Variants in RABGAP1L observed in about 807,000 individuals in gnomAD.
The protein encoded by RABGAP1L is RAB GTPase activating protein 1 like, also known as rab GTPase-activating protein 1-like.
Under a neutral mutation model 137.7 loss-of-function variants are expected in RABGAP1L, and 63 were observed. That is an observed-to-expected ratio of 0.46 (90% confidence interval 0.37 to 0.56). RABGAP1L has a LOEUF of 0.56. RABGAP1L is among the 20% of genes least tolerant of loss of function. The probability of loss-of-function intolerance (pLI) is 0.00; values close to 1 mark genes in which losing one functional copy is unlikely to be tolerated. For synonymous variants in RABGAP1L, 431 were observed against 433.7 expected, an observed-to-expected ratio of 0.99 and a Z score of 0.08; for missense variants, 1,095 against 1,244.0, an observed-to-expected ratio of 0.88 and a Z score of 1.80.
chr1:174,917,806 A>G (rs1165956610), intron 19 of RABGAP1L, among the ~76,000 whole-genome samples: 1 of 151,856 alleles, frequency 6.6e-6, no homozygotes, highest in Non-Finnish European at 1.5e-5. Context: ...GCTGGCGATT[A>G]CCCGTGATCC....
chr1:174,330,312 G>T (rs1276488400), intron 11 of RABGAP1L, among the ~76,000 whole-genome samples: 1 of 152,194 alleles, frequency 6.6e-6, no homozygotes, highest in Non-Finnish European at 1.5e-5. Flanking sequence ...AGATGCAGTG[G>T]CTCATGCCTG....
chr1:174,523,907 G>A (rs1663648489), intron 13 of RABGAP1L, among the ~76,000 whole-genome samples: 1 of 152,114 alleles, frequency 6.6e-6, no homozygotes, highest in Non-Finnish European at 1.5e-5. Context: ...CTCTACCTGG[G>A]TTATTTCACA....
intron 13 of RABGAP1L, among the ~76,000 whole-genome samples, chr1:174,534,579 C>T (rs1459311593): frequency 6.6e-6 from 1 of 151,842 alleles, no homozygotes; most frequent in Non-Finnish European, 1.5e-5. Context: ...GAGTTCGAGA[C>T]TGGCCTGGCC....
intron 1 of RABGAP1L, among the ~76,000 whole-genome samples, chr1:174,160,977 A>G (rs930279399): frequency 2.0e-5 from 3 of 152,158 alleles, no homozygotes; most frequent in African/African-American, 7.2e-5. Flanking sequence ...CCCTTATGAA[A>G]TTGACAATGA....
intron 17 of RABGAP1L, among the ~76,000 whole-genome samples, chr1:174,729,595 T>A (rs773918224): frequency 1.3e-5 from 2 of 152,096 alleles, no homozygotes; most frequent in Non-Finnish European, 2.9e-5. Context: ...ATACATAGAA[T>A]CTATAAGGAA....
intron 12 of RABGAP1L, among the ~76,000 whole-genome samples, chr1:174,378,552 T>C (rs1330116675): frequency 2.6e-5 from 4 of 152,120 alleles, no homozygotes; most frequent in Non-Finnish European, 5.9e-5. Context: ...ATGAGCATTT[T>C]TTCATGTGTT....
intron 14 of RABGAP1L, among the ~76,000 whole-genome samples, chr1:174,654,255 C>T (rs573576942): frequency 3.3e-5 from 5 of 152,274 alleles, no homozygotes; most frequent in East Asian, 1.9e-4. Flanking sequence ...TTGGTACAAA[C>T]GCAGGAATGA....
intron 13 of RABGAP1L, among the ~76,000 whole-genome samples, chr1:174,522,197 G>T (rs1663460971): frequency 6.6e-6 from 1 of 152,164 alleles, no homozygotes; most frequent in Non-Finnish European, 1.5e-5. Flanking sequence ...TCTGTAGAGG[G>T]TAAAATATAG....
chr1:174,399,100 A>T (rs1648235914), intron 13 of RABGAP1L, among the ~76,000 whole-genome samples: 1 of 152,160 alleles, frequency 6.6e-6, no homozygotes, highest in Non-Finnish European at 1.5e-5. Context: ...ATGTGCGTTT[A>T]TTCAGGGTCT....
chr1:174,544,183 A>G (rs1376380002), intron 13 of RABGAP1L, among the ~76,000 whole-genome samples: 1 of 152,170 alleles, frequency 6.6e-6, no homozygotes, highest in African/African-American at 2.4e-5. Flanking sequence ...AATATCCTGC[A>G]GAGTGTTTTC....
chr1:174,547,129 A>G (rs1297119681), intron 13 of RABGAP1L, among the ~76,000 whole-genome samples: 1 of 151,918 alleles, frequency 6.6e-6, no homozygotes, highest in Non-Finnish European at 1.5e-5. Context: ...GAGTTTTGAC[A>G]TAGAGATTTA....
intron 15 of RABGAP1L, among the ~76,000 whole-genome samples, chr1:174,686,262 G>A (rs371353890): frequency 9.3e-4 from 141 of 152,238 alleles, no homozygotes; most frequent in African/African-American, 3.1e-3. Context: ...AATTATAATA[G>A]TTCTATTATG....
intron 13 of RABGAP1L, among the ~76,000 whole-genome samples, chr1:174,547,029 C>CAAAAAAAAA (rs375413887): frequency 1.4e-4 from 11 of 78,226 alleles, no homozygotes; most frequent in African/African-American, 1.6e-4. Flanking sequence ...GACTCTGTCT[C>CAAAAAAAAA]AAAAAAAAAA....
chr1:174,371,150 T>C, intron 12 of RABGAP1L, 78 bp downstream of exon 12: 1 of 753,340 alleles, frequency 1.3e-6, no homozygotes, highest in Non-Finnish European at 2.1e-6. Context: ...ATCTGTGTGT[T>C]AAAATAGGTT....
chr1:174,171,468 T>C (rs12081595), intron 1 of RABGAP1L, among the ~76,000 whole-genome samples: 9,685 of 152,110 alleles, frequency 0.064, 999 homozygotes, highest in African/African-American at 0.22. Flanking sequence ...TCCATCTCCT[T>C]CTATAATTTT....
rs151164745 is a variant in RABGAP1L, at chr1:174,451,875, G to C, written c.1710+57730G>C. ...GTTGATATTACTTTGGTTTACTTTT[G>C]TTATTTCCCTTGAATACCTTTTTGA... is the stretch of plus-strand genomic sequence containing the variant. On this transcript the variant is annotated intron_variant, in intron 13 of 25. Transcript: ENST00000681986. 1.3e-3 allele frequency among the ~76,000 whole-genome samples: 194 copies of C among 152,048 alleles called. 1 individual carries two copies. Among genetic ancestry groups the C allele is most frequent in the African/African-American group, 4.6e-3 (190 of 41,486 alleles).
At chr1:174,652,636 A>G (rs1217621693) in intron 14 of RABGAP1L, among the ~76,000 whole-genome samples, 2 of 152,198 alleles carry the variant, frequency 1.3e-5, no homozygotes. Flanking sequence ...AGGCTTCAGA[A>G]CAGCAAGATT....
chr1:174,977,601 G>A (rs1267837587), intron 22 of RABGAP1L, among the ~76,000 whole-genome samples: 2 of 152,182 alleles, frequency 1.3e-5, no homozygotes, highest in African/African-American at 4.8e-5. Context: ...GCATCTGTGT[G>A]TGTGTAACTG....
At chr1:174,782,773 CG>C (rs968429187) in intron 18 of RABGAP1L, among the ~76,000 whole-genome samples, 49 of 152,210 alleles carry the variant, frequency 3.2e-4, no homozygotes, top group African/African-American at 1.1e-3. Context: ...CCTTTAAACA[CG>C]GGGCTTGTAA....
Sources: allele counts gnomAD v4.1 joint callset (sites outside exome capture counted in the v4.1 genomes callset), GRCh38; gene constraint gnomAD v4.1.1; transcripts MANE v1.5; gene names NCBI Gene and HGNC (gene_info 2026-07-23, HGNC 2026-07-21).